Variants in ERC2 observed in about 807,000 individuals in gnomAD.
The protein encoded by ERC2 is ERC protein 2.
In ERC2, 42 loss-of-function variants were observed where a neutral mutation model predicts 114.8. The ratio of observed to expected loss-of-function variants is 0.37; its 90% CI spans 0.29 to 0.47. The LOEUF (loss-of-function observed/expected upper bound fraction) is 0.47. Among genes scored for constraint, ERC2 ranks in the 20% least tolerant of loss-of-function variants. The pLI is 0.99. For synonymous variants in ERC2, 454 were observed against 425.5 expected, an observed-to-expected ratio of 1.07 and a Z score of -0.82; for missense variants, 939 against 1,150.7, an observed-to-expected ratio of 0.82 and a Z score of 2.66.
At chr3:56,443,599 C>T (rs753442431) in intron 1 of ERC2, among the ~76,000 whole-genome samples, 2 of 152,070 alleles carry the variant, frequency 1.3e-5, no homozygotes, top group Non-Finnish European at 2.9e-5. Context: ...CTCCCCCATG[C>T]CCCACCCAGC....
chr3:56,389,256 G>T (rs1042178956), intron 2 of ERC2, among the ~76,000 whole-genome samples: 3 of 152,110 alleles, frequency 2.0e-5, no homozygotes, highest in Non-Finnish European at 2.9e-5. Flanking sequence ...TGGAGAAATC[G>T]TGCTAGTCAA....
At chr3:55,846,690 TC>T (rs1575822751) in intron 14 of ERC2, among the ~76,000 whole-genome samples, 97 of 121,228 alleles carry the variant, frequency 8.0e-4, no homozygotes, top group Non-Finnish European at 2.4e-4. Context: ...TCTCTCTCTC[TC>T]TTTCTCTCTC....
At chr3:56,149,158 GA>G (rs1287501709) in intron 4 of ERC2, 26 bp from the exon 5 acceptor site, 37 of 1,523,682 alleles carry the variant, frequency 2.4e-5, no homozygotes, top group Non-Finnish European at 3.1e-5. Context: ...AAAAGAAAAA[GA>G]AAAATAAAGA....
chr3:56,071,737 G>A lies in ERC2; in HGVS notation c.1641+9080C>T, dbSNP rs1380227062. On this transcript the variant is annotated intron_variant, in intron 7 of 17. Transcript: ENST00000288221. ...TCATCAATGTCATCTCTAGGAGAAG[G>A]ACAATTTCAAATCCCTTAGAAGAAA... Among the ~76,000 whole-genome samples the A allele has an allele frequency of 7.2e-5, 11 of 152,062 alleles. 1 individual carries two copies. The highest frequency in any genetic ancestry group is 2.7e-4 in the African/African-American group (11 of 41,432).
intron 2 of ERC2, among the ~76,000 whole-genome samples, chr3:56,419,008 G>A (rs920609472): frequency 1.3e-5 from 2 of 152,162 alleles, no homozygotes; most frequent in Admixed American, 6.5e-5. Context: ...CCAAGGTAGA[G>A]TCAACTACCC....
chr3:56,378,494 C>T (rs1391443658), intron 2 of ERC2, among the ~76,000 whole-genome samples: 2 of 141,438 alleles, frequency 1.4e-5, no homozygotes, highest in Non-Finnish European at 3.0e-5. Flanking sequence ...GTGGGTGCAG[C>T]GCACCAGCAT....
chr3:56,078,074 A>G (rs1226372250), intron 7 of ERC2, among the ~76,000 whole-genome samples: 1 of 152,194 alleles, frequency 6.6e-6, no homozygotes, highest in Non-Finnish European at 1.5e-5. Context: ...ACAGGCTACT[A>G]TAACCATCTC....
intron 15 of ERC2, among the ~76,000 whole-genome samples, chr3:55,728,509 C>T (rs750950438): frequency 2.0e-5 from 3 of 152,146 alleles, no homozygotes; most frequent in Non-Finnish European, 4.4e-5. Flanking sequence ...GGGAAGGGTA[C>T]ATGCAAGATA....
intron 14 of ERC2, among the ~76,000 whole-genome samples, chr3:55,836,335 A>G (rs201704182): frequency 0.012 from 1,900 of 152,194 alleles, 21 homozygotes; most frequent in Non-Finnish European, 0.017. Flanking sequence ...GAGGCATCAC[A>G]CTACCTGACT....
chr3:56,285,237 T>C (rs1255395727), intron 3 of ERC2, among the ~76,000 whole-genome samples: 1 of 151,976 alleles, frequency 6.6e-6, no homozygotes, highest in South Asian at 2.1e-4. Flanking sequence ...TAGGAGTTAC[T>C]GTCCTTGCCA....
intron 17 of ERC2, among the ~76,000 whole-genome samples, chr3:55,550,574 T>C (rs1478627887): frequency 6.6e-6 from 1 of 152,166 alleles, no homozygotes; most frequent in East Asian, 1.9e-4. Flanking sequence ...ACAATGGATG[T>C]TATGAATTGT....
At chr3:55,729,837 CAAAAAA>C (rs71096498) in intron 15 of ERC2, among the ~76,000 whole-genome samples, 107 of 61,640 alleles carry the variant, frequency 1.7e-3, no homozygotes, top group African/African-American at 3.3e-3. Flanking sequence ...GACTCTATCG[CAAAAAA>C]AAAAAAAAAA....
intron 17 of ERC2, among the ~76,000 whole-genome samples, chr3:55,673,532 A>T (rs1331229571): frequency 6.6e-6 from 1 of 152,120 alleles, no homozygotes; most frequent in African/African-American, 2.4e-5. Flanking sequence ...GCAGTCAGCC[A>T]AGATCACACC....
chr3:56,313,746 G>A (rs573845010), intron 2 of ERC2, among the ~76,000 whole-genome samples: 63 of 152,202 alleles, frequency 4.1e-4, no homozygotes, highest in Non-Finnish European at 8.4e-4. Context: ...TGGGCCAAGT[G>A]TCTTCCAAGC....
At chr3:55,514,719 G>C (rs2052366813) in intron 17 of ERC2, among the ~76,000 whole-genome samples, 1 of 152,214 alleles carries the variant, frequency 6.6e-6, no homozygotes, top group Admixed American at 6.5e-5. Context: ...CCAAAAACCC[G>C]AAGGAGCTTG....
intron 17 of ERC2, among the ~76,000 whole-genome samples, chr3:55,665,632 G>A (rs2061330322): frequency 6.6e-6 from 1 of 152,144 alleles, no homozygotes; most frequent in South Asian, 2.1e-4. Context: ...CTAAAGGAGA[G>A]GCATGGAATA....
At chr3:56,115,093 C>G (rs2079153812) in intron 6 of ERC2, among the ~76,000 whole-genome samples, 1 of 152,122 alleles carries the variant, frequency 6.6e-6, no homozygotes, top group Non-Finnish European at 1.5e-5. Flanking sequence ...CCACTAAGAC[C>G]AGTAAATTGG....
chr3:56,461,584 T>G (rs2063321385), intron 1 of ERC2, among the ~76,000 whole-genome samples: 1 of 152,158 alleles, frequency 6.6e-6, no homozygotes, highest in Non-Finnish European at 1.5e-5. Flanking sequence ...ACATTAACAG[T>G]CTCTACCACA....
intron 6 of ERC2, among the ~76,000 whole-genome samples, chr3:56,121,233 G>A (rs1397246295): frequency 6.6e-6 from 1 of 152,130 alleles, no homozygotes; most frequent in African/African-American, 2.4e-5. Context: ...ATGTTTGTAT[G>A]TCTGTAGCAC....
Sources: allele counts gnomAD v4.1 joint callset (sites outside exome capture counted in the v4.1 genomes callset), GRCh38; gene constraint gnomAD v4.1.1; transcripts MANE v1.5; gene names NCBI Gene and HGNC (gene_info 2026-07-23, HGNC 2026-07-21).